The following SAMD12 variants were observed in gnomAD, a reference collection of about 807,000 sequenced individuals.
SAMD12 encodes the protein sterile alpha motif domain containing 12.
Under a neutral mutation model 15.0 loss-of-function variants are expected in SAMD12, and 9 were observed. That is an observed-to-expected ratio of 0.60 (90% CI 0.36 to 1.05). The LOEUF is 1.05. SAMD12 is among the 50% of genes least tolerant of loss of function. The pLI, the probability that SAMD12 is intolerant of heterozygous loss-of-function variation, is 0.01. For synonymous variants in SAMD12, 86 were observed against 90.1 expected, an observed-to-expected ratio of 0.96 and a Z score of 0.25; for missense variants, 230 against 234.2, an observed-to-expected ratio of 0.98 and a Z score of 0.12.
chr8:118,152,602 A>T, the SAMD12 span, among the ~76,000 whole-genome samples: 1 of 151,954 alleles, frequency 6.6e-6, no homozygotes, highest in African/African-American at 2.4e-5. Context: ...AGTCTCAAAC[A>T]ATCCTCCTGC....
intron 1 of SAMD12, among the ~76,000 whole-genome samples, chr8:118,600,260 A>G (rs1399555350): frequency 3.3e-5 from 5 of 151,942 alleles, no homozygotes; most frequent in Non-Finnish European, 7.4e-5. Context: ...TACACAATAC[A>G]TTTGAGAGGT....
intron 2 of SAMD12, among the ~76,000 whole-genome samples, chr8:118,486,210 A>G (rs180973270): frequency 4.6e-5 from 7 of 152,106 alleles, no homozygotes; most frequent in East Asian, 1.9e-4. Flanking sequence ...GTCAGGAGAT[A>G]GAGACCATCC....
chr8:118,300,404 GAC>G (rs1814956521), intron 4 of SAMD12, among the ~76,000 whole-genome samples: 1 of 152,032 alleles, frequency 6.6e-6, no homozygotes, highest in African/African-American at 2.4e-5. Flanking sequence ...CTTCCATCTT[GAC>G]AAGTTGCCAT....
the SAMD12 span, among the ~76,000 whole-genome samples, chr8:118,147,944 T>C: frequency 2.6e-4 from 38 of 144,902 alleles, no homozygotes; most frequent in African/African-American, 9.1e-4. Flanking sequence ...AGATAGAGCC[T>C]TTTTTTTTTT....
chr8:118,620,399 CAAAAAAAAA>C (rs68126546), intron 1 of SAMD12, among the ~76,000 whole-genome samples: 132 of 66,412 alleles, frequency 2.0e-3, no homozygotes, highest in African/African-American at 6.6e-3. Flanking sequence ...CATAACGATG[CAAAAAAAAA>C]AAAAAAAAAA....
intron 4 of SAMD12, among the ~76,000 whole-genome samples, chr8:118,318,308 GTGTATATATATATA>G (rs1167741420): frequency 3.0e-4 from 17 of 57,524 alleles, no homozygotes; most frequent in African/African-American, 1.3e-3. Context: ...GGAGATATAT[GTGTATATATATATA>G]TATATATATA....
At chr8:118,398,573 A>C (rs1820707707) in intron 3 of SAMD12, among the ~76,000 whole-genome samples, 1 of 152,178 alleles carries the variant, frequency 6.6e-6, no homozygotes, top group African/African-American at 2.4e-5. Context: ...GGAAAGAAAG[A>C]GAATCTTTCC....
intron 4 of SAMD12, among the ~76,000 whole-genome samples, chr8:118,199,573 T>C (rs1169378103): frequency 1.3e-5 from 2 of 152,240 alleles, no homozygotes; most frequent in African/African-American, 4.8e-5. Context: ...TAATTAATTA[T>C]TATACTTTGG....
the SAMD12 span, among the ~76,000 whole-genome samples, chr8:118,163,252 A>C: frequency 6.6e-6 from 1 of 152,018 alleles, no homozygotes; most frequent in East Asian, 1.9e-4. Context: ...GCTAACTTTT[A>C]TATGTTTTGT....
At chr8:118,267,295 G>A (rs1232161045) in intron 4 of SAMD12, among the ~76,000 whole-genome samples, 1 of 152,032 alleles carries the variant, frequency 6.6e-6, no homozygotes, top group Non-Finnish European at 1.5e-5. Flanking sequence ...AAATGCCCAA[G>A]AATTTCTCAA....
chr8:118,417,613 T>C (rs576109289), intron 3 of SAMD12, among the ~76,000 whole-genome samples: 3 of 152,214 alleles, frequency 2.0e-5, no homozygotes, highest in South Asian at 4.1e-4. Context: ...TAATTAAACT[T>C]CAATAGAGAT....
At chr8:118,596,369 A>G (rs1352406266) in intron 1 of SAMD12, among the ~76,000 whole-genome samples, 1 of 152,226 alleles carries the variant, frequency 6.6e-6, no homozygotes, top group African/African-American at 2.4e-5. Context: ...CACATGCTCC[A>G]AGTAGCAGAG....
chr8:118,383,233 A>G (rs1196888198), intron 3 of SAMD12, among the ~76,000 whole-genome samples: 1 of 152,220 alleles, frequency 6.6e-6, no homozygotes, highest in Non-Finnish European at 1.5e-5. Flanking sequence ...TACAGTGATG[A>G]ACACAGCAGA....
intron 4 of SAMD12, among the ~76,000 whole-genome samples, chr8:118,287,566 TTCA>T (rs2130223056): frequency 6.6e-6 from 1 of 152,296 alleles, no homozygotes; most frequent in South Asian, 2.1e-4. Flanking sequence ...GAACATGGTA[TTCA>T]TCATCTCTGC....
chr8:118,414,493 G>A (rs1821585395), intron 3 of SAMD12, among the ~76,000 whole-genome samples: 1 of 152,128 alleles, frequency 6.6e-6, no homozygotes, highest in African/African-American at 2.4e-5. Context: ...TTCAAGGAAA[G>A]GTAAGCACAT....
intron 1 of SAMD12, among the ~76,000 whole-genome samples, chr8:118,613,978 C>T (rs774964092): frequency 2.6e-5 from 4 of 152,186 alleles, no homozygotes; most frequent in Admixed American, 6.5e-5. Context: ...AGAGTCAGAT[C>T]ATGAATACAC....
At chr8:118,611,347 G>GA (rs1186977809) in intron 1 of SAMD12, among the ~76,000 whole-genome samples, 5 of 152,074 alleles carry the variant, frequency 3.3e-5, no homozygotes, top group East Asian at 1.9e-4. Flanking sequence ...TTAGAAAGCA[G>GA]AAAAAAATGA....
intron 3 of SAMD12, among the ~76,000 whole-genome samples, chr8:118,387,446 T>C (rs1012779044): frequency 5.1e-5 from 7 of 136,970 alleles, no homozygotes; most frequent in African/African-American, 2.0e-4. Context: ...CTTTTTACTC[T>C]TCCTCCTCCT....
intron 4 of SAMD12, among the ~76,000 whole-genome samples, chr8:118,239,037 T>A (rs1812503765): frequency 6.6e-6 from 1 of 152,102 alleles, no homozygotes; most frequent in South Asian, 2.1e-4. Flanking sequence ...GGAAAAGAAA[T>A]TAAGTCTCAT....
Sources: gnomAD v4.1 joint callset for allele counts (sites outside exome capture counted in the v4.1 genomes callset) on GRCh38, gnomAD v4.1.1 for gene constraint, MANE v1.5 for transcripts, NCBI Gene and HGNC (gene_info 2026-07-23, HGNC 2026-07-21) for gene names.